Variants in FRMPD4 observed in about 807,000 individuals in gnomAD.
FRMPD4 encodes FERM and PDZ domain-containing protein 4.
FRMPD4 carries 22 observed loss-of-function variants against 94.1 expected under a neutral mutation model. The observed-to-expected ratio is 0.23, with a 90% confidence interval of 0.17 to 0.33. FRMPD4 has a LOEUF of 0.33. FRMPD4 is among the 10% of genes least tolerant of loss of function. The probability of loss-of-function intolerance (pLI) is 1.00; values close to 1 mark genes in which losing one functional copy is unlikely to be tolerated. For synonymous variants in FRMPD4, 631 were observed against 548.6 expected (o/e 1.15, Z -2.10); for missense variants, 1,111 against 1,339.9 (o/e 0.83, Z 2.67).
intron 4 of FRMPD4, among the ~76,000 whole-genome samples, chrX:12,659,359 G>A (rs1398088166): frequency 8.9e-6 from 1 of 112,769 alleles, no homozygotes; most frequent in Non-Finnish European, 1.9e-5. Context: ...TTTATTGAAT[G>A]TCTTCCCTCT....
chrX:12,705,124 C>G (rs149141435), intron 11 of FRMPD4, among the ~76,000 whole-genome samples: 265 of 112,269 alleles, frequency 2.4e-3, no homozygotes, highest in African/African-American at 8.0e-3. Context: ...ACAATGGATT[C>G]AATCCTACCT....
chrX:12,533,096 T>C (rs1314216768), intron 2 of FRMPD4, among the ~76,000 whole-genome samples: 1 of 111,504 alleles, frequency 9.0e-6, no homozygotes, highest in Admixed American at 9.5e-5. Context: ...TGAATTCCCA[T>C]GTGTTGTAGG....
chrX:12,210,180 A>C (rs916765), intron 1 of FRMPD4, among the ~76,000 whole-genome samples: 53,330 of 110,794 alleles, frequency 0.48, 9,228 homozygotes, highest in Non-Finnish European at 0.53. Context: ...CAAGAAATGC[A>C]GACCAAAAAG....
chrX:12,099,473 A>C (rs2055236128), intron 3 of FRMPD4, among the ~76,000 whole-genome samples: 1 of 112,110 alleles, frequency 8.9e-6, no homozygotes, highest in African/African-American at 3.2e-5. Flanking sequence ...TAGGTTATCA[A>C]AGCCCAAATT....
intron 1 of FRMPD4, among the ~76,000 whole-genome samples, chrX:12,479,395 C>CATATATACACATATATATAT (rs2057646761): frequency 1.0e-5 from 1 of 96,245 alleles, no homozygotes; most frequent in Non-Finnish European, 2.1e-5. Flanking sequence ...TATATATATA[C>CATATATACACATATATATAT]ATATATACAC....
At chrX:12,479,059 A>G (rs1382250471) in intron 1 of FRMPD4, among the ~76,000 whole-genome samples, 1 of 111,379 alleles carries the variant, frequency 9.0e-6, no homozygotes, top group African/African-American at 3.3e-5. Flanking sequence ...GATTGGAAAA[A>G]GGGAAACAGT....
chrX:12,145,271 C>T (rs1234046527), intron 1 of FRMPD4, among the ~76,000 whole-genome samples: 2 of 112,190 alleles, frequency 1.8e-5, no homozygotes, highest in East Asian at 5.6e-4. Context: ...GGAGAACACG[C>T]GGCCATCTGG....
intron 1 of FRMPD4, among the ~76,000 whole-genome samples, chrX:12,409,314 C>A (rs1036362131): frequency 9.0e-6 from 1 of 111,438 alleles, no homozygotes; most frequent in Non-Finnish European, 1.9e-5. Flanking sequence ...CTGCTGAACA[C>A]CATATAGTAA....
intron 4 of FRMPD4, among the ~76,000 whole-genome samples, chrX:12,651,133 T>C (rs2059591826): frequency 1.8e-5 from 2 of 112,468 alleles, no homozygotes; most frequent in Admixed American, 1.9e-4. Flanking sequence ...AAAATGCTTA[T>C]AAAATCTAGA....
At chrX:12,025,088 G>GTTT (rs1319175615) in intron 3 of FRMPD4, among the ~76,000 whole-genome samples, 2 of 110,525 alleles carry the variant, frequency 1.8e-5, no homozygotes, top group Admixed American at 9.6e-5. Flanking sequence ...AAGAGTCTTG[G>GTTT]TTTTTCCCCC....
At chrX:11,928,942 A>C (rs1249961651) in intron 3 of FRMPD4, among the ~76,000 whole-genome samples, 1 of 112,798 alleles carries the variant, frequency 8.9e-6, no homozygotes, top group Non-Finnish European at 1.9e-5. Context: ...AAAAAGAATG[A>C]GATCATGTCC....
intron 3 of FRMPD4, among the ~76,000 whole-genome samples, chrX:11,971,703 G>A (rs964737786): frequency 8.9e-6 from 1 of 112,082 alleles, no homozygotes; most frequent in Non-Finnish European, 1.9e-5. Flanking sequence ...AGTCACCCCA[G>A]CTCTAGGGAT....
intron 1 of FRMPD4, among the ~76,000 whole-genome samples, chrX:12,288,700 C>T (rs2054638639): frequency 8.9e-6 from 1 of 111,856 alleles, no homozygotes; most frequent in African/African-American, 3.3e-5. Flanking sequence ...GCAGACCAGT[C>T]GTCTCTTGGT....
At chrX:12,340,688 C>T (rs1178770499) in intron 1 of FRMPD4, among the ~76,000 whole-genome samples, 1 of 112,066 alleles carries the variant, frequency 8.9e-6, no homozygotes, top group African/African-American at 3.2e-5. Flanking sequence ...TTTATGTAGT[C>T]TGTGGACCTT....
rs192715311 is a variant in FRMPD4 at position 12,342,625 on chromosome X, G to C, written c.42-156055G>C. On this transcript the variant is annotated intron_variant, in intron 1 of 16. Transcript: ENST00000675598. ...AATATTTGGAAAAATAACAGAGGCA[G>C]GAAAGTAGAAAGCAAATGTTTGTGG... 1.8e-3 allele frequency among the ~76,000 whole-genome samples: 197 copies of C among 112,105 alleles called. 1 individual carries two copies. Among genetic ancestry groups the C allele is most frequent in the Non-Finnish European group, 3.1e-3 (165 of 53,213 alleles).
At chrX:12,084,564 A>C (rs1200094440) in intron 3 of FRMPD4, among the ~76,000 whole-genome samples, 1 of 112,435 alleles carries the variant, frequency 8.9e-6, no homozygotes, top group African/African-American at 3.2e-5. Flanking sequence ...TCTGATTATC[A>C]AAATAAAGCC....
chrX:12,037,623 T>C (rs752191561), intron 3 of FRMPD4, among the ~76,000 whole-genome samples: 1 of 111,311 alleles, frequency 9.0e-6, no homozygotes, highest in Admixed American at 9.6e-5. Flanking sequence ...TGTGCACATT[T>C]GTTATACAGG....
At chrX:12,063,212 A>G (rs1376065365) in intron 3 of FRMPD4, among the ~76,000 whole-genome samples, 1 of 111,243 alleles carries the variant, frequency 9.0e-6, no homozygotes, top group Non-Finnish European at 1.9e-5. Flanking sequence ...CTCTACAAAA[A>G]TACAAAAATT....
intron 1 of FRMPD4, among the ~76,000 whole-genome samples, chrX:11,825,838 T>A (rs1457859045): frequency 8.9e-6 from 1 of 112,318 alleles, no homozygotes; most frequent in Non-Finnish European, 1.9e-5. Flanking sequence ...TTTTGCAAGT[T>A]CTTGTGAGTC....
Sources: gnomAD v4.1 joint callset for allele counts (sites outside exome capture counted in the v4.1 genomes callset) on GRCh38, gnomAD v4.1.1 for gene constraint, MANE v1.5 for transcripts, NCBI Gene and HGNC (gene_info 2026-07-23, HGNC 2026-07-21) for gene names.